Variants in DPY19L2 observed in about 807,000 individuals in gnomAD.
DPY19L2 encodes probable C-mannosyltransferase DPY19L2.
A neutral mutation model predicts 97.9 loss-of-function variants in DPY19L2; 34 were observed. The ratio of observed to expected loss-of-function variants is 0.35; its 90% confidence interval spans 0.26 to 0.46. The LOEUF (loss-of-function observed/expected upper bound fraction) is 0.46, where lower values mean the gene tolerates loss of function less well. DPY19L2 is among the 20% of genes least tolerant of loss of function. The pLI is 1.00. For synonymous variants in DPY19L2, 230 were observed against 307.9 expected (o/e 0.75, Z 2.65); for missense variants, 623 against 911.4 (o/e 0.68, Z 4.07).
At chr12:63,588,916 G>C (rs913792349) in intron 16 of DPY19L2, among the ~76,000 whole-genome samples, 110 of 151,960 alleles carry the variant, frequency 7.2e-4, no homozygotes, top group African/African-American at 2.5e-3. Context: ...ACGATGCCCA[G>C]CTAATTTTTT....
intron 21 of DPY19L2, among the ~76,000 whole-genome samples, chr12:63,562,237 C>T (rs1375902436): frequency 6.6e-6 from 1 of 152,108 alleles, no homozygotes; most frequent in Admixed American, 6.5e-5. Flanking sequence ...CCATCTCTCC[C>T]AAAAGTTTAC....
intron 10 of DPY19L2, 39 bp downstream of exon 10, chr12:63,618,112 C>G (rs1350647049): frequency 9.3e-7 from 1 of 1,072,206 alleles, no homozygotes; most frequent in Admixed American, 2.5e-5. Context: ...CTCTGAGAAC[C>G]TATCTTAATA....
chr12:63,631,928 A>C (rs550687301), intron 6 of DPY19L2, among the ~76,000 whole-genome samples: 12 of 152,244 alleles, frequency 7.9e-5, no homozygotes, highest in Middle Eastern at 3.4e-3. Flanking sequence ...ATCAATAAAC[A>C]TAATCCAGCA....
chr12:63,612,727 G>A (rs980385241), intron 11 of DPY19L2, among the ~76,000 whole-genome samples: 1 of 150,616 alleles, frequency 6.6e-6, no homozygotes, highest in South Asian at 2.1e-4. Context: ...GCAAATCAAT[G>A]AAAACAAAAG....
chr12:63,566,302 CAGTCTTT>C (rs1387095248), intron 21 of DPY19L2, among the ~76,000 whole-genome samples: 10 of 152,096 alleles, frequency 6.6e-5, no homozygotes. Flanking sequence ...AGCTCTTGTA[CAGTCTTT>C]AGACAGTGTC....
intron 6 of DPY19L2, among the ~76,000 whole-genome samples, chr12:63,637,336 G>C (rs929438936): frequency 1.3e-5 from 2 of 151,982 alleles, no homozygotes; most frequent in Admixed American, 6.6e-5. Context: ...GAAAGCAGGA[G>C]AGATCTAAAA....
At chr12:63,587,145 T>C (rs983345375) in intron 16 of DPY19L2, among the ~76,000 whole-genome samples, 5 of 152,186 alleles carry the variant, frequency 3.3e-5, no homozygotes, top group Middle Eastern at 3.4e-3. Flanking sequence ...ATTAATTTTA[T>C]ACAAAGAAAA....
chr12:63,581,794 C>CT (rs1271169076), intron 18 of DPY19L2, among the ~76,000 whole-genome samples: 1 of 138,542 alleles, frequency 7.2e-6, no homozygotes, highest in African/African-American at 2.7e-5. Flanking sequence ...CCAGGAAACT[C>CT]TTTTTTTTCT....
intron 18 of DPY19L2, among the ~76,000 whole-genome samples, chr12:63,582,182 T>C (rs1231589887): frequency 3.9e-5 from 6 of 152,024 alleles, no homozygotes; most frequent in Admixed American, 1.3e-4. Context: ...TAATCACTTG[T>C]TATAGAAATA....
At chr12:63,580,976 C>T (rs1043570720) in intron 18 of DPY19L2, 140 bp from the exon 19 acceptor site, 22 of 881,240 alleles carry the variant, frequency 2.5e-5, no homozygotes, top group African/African-American at 2.0e-4. Context: ...TTATCATCTC[C>T]GATTGTTTCT....
rs1555195807 is a variant in DPY19L2 at position 63,610,875 on chromosome 12, A to AC, written c.1219-2201dup. ...AAAAAAAAAAAAAAAAAAAAAAAAA[A>AC]CCACACACACACACAAATATTTCTT... On this transcript the variant is annotated intron_variant, in intron 11 of 21. Transcript: ENST00000324472. Among the ~76,000 whole-genome samples the AC allele has an allele frequency of 7.8e-3, 808 of 103,436 alleles. 59 individuals carry two copies. In the East Asian group the frequency reaches 0.14, roughly 18 times the overall value. The allele number at this position is 103,436 out of a possible 152,430, so 67.9% of individuals were successfully genotyped here.
chr12:63,562,591 G>A (rs1315386593), intron 21 of DPY19L2, among the ~76,000 whole-genome samples: 2 of 152,026 alleles, frequency 1.3e-5, no homozygotes, highest in East Asian at 3.9e-4. Context: ...CTTGCAGAGT[G>A]GTTGTACCAT....
At chr12:63,662,742 TTAA>T (rs1185454173) in intron 3 of DPY19L2, among the ~76,000 whole-genome samples, 1 of 152,200 alleles carries the variant, frequency 6.6e-6, no homozygotes, top group Non-Finnish European at 1.5e-5. Context: ...CACTCTTTAT[TTAA>T]TAATATTTTA....
intron 6 of DPY19L2, among the ~76,000 whole-genome samples, chr12:63,637,694 T>G (rs540602569): frequency 6.6e-6 from 1 of 151,782 alleles, no homozygotes; most frequent in Non-Finnish European, 1.5e-5. Context: ...AATAACAGGC[T>G]CTGAAATTGA....
chr12:63,610,238 G>A (rs143805798), intron 11 of DPY19L2, among the ~76,000 whole-genome samples: 2,478 of 152,016 alleles, frequency 0.016, 72 homozygotes, highest in African/African-American at 0.056. Flanking sequence ...CAGCGAATAG[G>A]CAGTAACAGG....
chr12:63,576,961 G>T (rs1256898633), intron 19 of DPY19L2, among the ~76,000 whole-genome samples: 2 of 151,888 alleles, frequency 1.3e-5, no homozygotes, highest in Non-Finnish European at 2.9e-5. Flanking sequence ...AAACACAAAA[G>T]ACCTAGAATA....
intron 6 of DPY19L2, among the ~76,000 whole-genome samples, chr12:63,628,315 A>G (rs1187995516): frequency 6.6e-6 from 1 of 152,156 alleles, no homozygotes; most frequent in African/African-American, 2.4e-5. Context: ...TCCCTTTCCT[A>G]ATCAAAGAAA....
intron 19 of DPY19L2, among the ~76,000 whole-genome samples, chr12:63,574,164 A>G (rs937656057): frequency 6.6e-6 from 1 of 152,074 alleles, no homozygotes; most frequent in African/African-American, 2.4e-5. Context: ...AGAAAAAGGT[A>G]AAAAGTGGGG....
At chr12:63,581,183 T>C (rs1432025153) in intron 18 of DPY19L2, among the ~76,000 whole-genome samples, 1 of 152,140 alleles carries the variant, frequency 6.6e-6, no homozygotes, top group Non-Finnish European at 1.5e-5. Context: ...ACATGGTTAG[T>C]AGACAGGGAA....
Sources: allele counts gnomAD v4.1 joint callset (sites outside exome capture counted in the v4.1 genomes callset), GRCh38; gene constraint gnomAD v4.1.1; transcripts MANE v1.5; gene names NCBI Gene and HGNC (gene_info 2026-07-23, HGNC 2026-07-21).